Variants in PRKG1 observed in about 807,000 individuals in gnomAD.
PRKG1 encodes the protein cGMP-dependent protein kinase 1.
Under a neutral mutation model 88.1 loss-of-function variants are expected in PRKG1, and 35 were observed. That is an observed-to-expected ratio of 0.40 (90% CI 0.30 to 0.53). The LOEUF (loss-of-function observed/expected upper bound fraction) is 0.53. Ranked by LOEUF, PRKG1 falls within the 20% of genes least tolerant of loss-of-function variation. The probability of loss-of-function intolerance (pLI) is 0.59; values close to 1 mark genes in which losing one functional copy is unlikely to be tolerated. For missense variants in PRKG1, 540 were observed against 839.8 expected (o/e 0.64, Z 4.41); for synonymous variants, 303 against 292.5 (o/e 1.04, Z -0.37).
Position 51,153,232 on chromosome 10 carries a change from T to C in PRKG1, c.380T>C (p.Ile127Thr). The C allele has an allele frequency of 6.2e-7, 1 of 1,612,578 alleles. No individual in the cohort carries two copies. The highest frequency in any genetic ancestry group is 8.5e-7 in the Non-Finnish European group (1 of 1,179,006). Reference sequence around the variant, plus strand: ...ATGAAGAACTTGGAGCTGTCGCAGATCCAGGAGATTGTGGATTGTATGTAC... The same window carrying C: ...ATGAAGAACTTGGAGCTGTCGCAGACCCAGGAGATTGTGGATTGTATGTAC... ...DFMKNLELSQ[I>T]QEIVDCMYPV... Residue 127 changes from isoleucine (I) to threonine (T), a missense_variant, in exon 2 of 18, where the codon ATC becomes ACC. By Grantham distance (89) the Ile-to-Thr change is moderately conservative. This residue lies in a region of PRKG1 where 400 missense variants were observed against 562.7 expected (regional missense o/e 0.71). Coordinates refer to ENST00000373980, the MANE Select transcript of PRKG1 (RefSeq NM_006258.4).
At chr10:52,159,830 C>T (rs1292842977) in intron 8 of PRKG1, among the ~76,000 whole-genome samples, 4 of 151,952 alleles carry the variant, frequency 2.6e-5, no homozygotes, top group Non-Finnish European at 2.9e-5. Context: ...CCTAATAACA[C>T]AATCTCTTAA....
At chr10:51,106,676 C>T (rs1402265561) in intron 1 of PRKG1, among the ~76,000 whole-genome samples, 4 of 152,158 alleles carry the variant, frequency 2.6e-5, no homozygotes, top group Non-Finnish European at 1.5e-5. Context: ...GCCTTTTTAC[C>T]TCTGGAAGAC....
At chr10:51,050,465 T>C (rs768046233) in intron 1 of PRKG1, among the ~76,000 whole-genome samples, 48 of 152,258 alleles carry the variant, frequency 3.2e-4, no homozygotes, top group Admixed American at 1.3e-3. Flanking sequence ...GTTCTCCAGG[T>C]TTATCCATGT....
At chr10:51,449,198 A>G (rs991829350) in intron 2 of PRKG1, among the ~76,000 whole-genome samples, 1 of 152,014 alleles carries the variant, frequency 6.6e-6, no homozygotes, top group Non-Finnish European at 1.5e-5. Flanking sequence ...CTTGCATATT[A>G]TTCAACATGA....
chr10:51,954,695 A>G (rs1311402269), intron 5 of PRKG1, among the ~76,000 whole-genome samples: 2 of 152,244 alleles, frequency 1.3e-5, no homozygotes, highest in Non-Finnish European at 2.9e-5. Flanking sequence ...TGTAAGTCAT[A>G]GGAATTTGGT....
chr10:51,361,595 C>G (rs369028186), intron 2 of PRKG1, among the ~76,000 whole-genome samples: 63 of 151,938 alleles, frequency 4.1e-4, no homozygotes, highest in African/African-American at 1.4e-3. Flanking sequence ...TTCTTAGCAT[C>G]TCTGAATTAG....
intron 1 of PRKG1, among the ~76,000 whole-genome samples, chr10:51,119,053 ATTC>A (rs1418002226): frequency 2.0e-5 from 3 of 152,232 alleles, no homozygotes; most frequent in Admixed American, 6.5e-5. Context: ...CCTTAGAATA[ATTC>A]TTCATTTCTT....
intron 4 of PRKG1, among the ~76,000 whole-genome samples, chr10:51,820,396 A>T (rs187392446): frequency 1.2e-4 from 19 of 152,308 alleles, no homozygotes; most frequent in African/African-American, 3.8e-4. Context: ...AGGTGTAATA[A>T]TAAAAAAGCA....
intron 6 of PRKG1, among the ~76,000 whole-genome samples, chr10:52,055,413 A>T (rs1228157032): frequency 6.6e-6 from 1 of 152,206 alleles, no homozygotes; most frequent in Non-Finnish European, 1.5e-5. Flanking sequence ...AGGGGTAAAA[A>T]TGGGGTAGAC....
chr10:51,726,132 T>C (rs1842125452), intron 3 of PRKG1, among the ~76,000 whole-genome samples: 2 of 152,230 alleles, frequency 1.3e-5, no homozygotes, highest in South Asian at 4.1e-4. Flanking sequence ...ATACTGTTTG[T>C]CAAATTTTCT....
rs984824995 is a variant in PRKG1, at chr10:51,787,500, C to T, written c.593-17085C>T. Among the ~76,000 whole-genome samples the T allele has an allele frequency of 2.6e-5, 4 of 152,072 alleles. No individual in the cohort carries two copies. In the East Asian group the frequency reaches 5.8e-4, roughly 22 times the overall value. On this transcript the variant is annotated intron_variant, in intron 3 of 17. Transcript: ENST00000373980. ...TTACATTACCCAGCATGGTAGTTCCCCAAGGAAGAGATGCTGCTGGCAGAA... is the reference window on the plus strand; with the variant it reads ...TTACATTACCCAGCATGGTAGTTCCTCAAGGAAGAGATGCTGCTGGCAGAA...
intron 3 of PRKG1, among the ~76,000 whole-genome samples, chr10:51,505,215 A>T (rs1841159504): frequency 6.6e-6 from 1 of 152,154 alleles, no homozygotes; most frequent in East Asian, 1.9e-4. Context: ...CCTTTTCTGC[A>T]TCTATTGAGA....
intron 1 of PRKG1, among the ~76,000 whole-genome samples, chr10:51,064,266 C>A (rs543267537): frequency 6.6e-6 from 1 of 151,928 alleles, no homozygotes; most frequent in South Asian, 2.1e-4. Flanking sequence ...CATGAGACTC[C>A]CAGTTTGTGA....
At chr10:51,645,354 GCAA>G (rs1442874440) in intron 3 of PRKG1, among the ~76,000 whole-genome samples, 1 of 152,094 alleles carries the variant, frequency 6.6e-6, no homozygotes, top group Non-Finnish European at 1.5e-5. Flanking sequence ...AAAACATTTT[GCAA>G]CAACATCTTA....
intron 2 of PRKG1, among the ~76,000 whole-genome samples, chr10:51,217,117 T>G (rs1361221762): frequency 6.6e-6 from 1 of 152,114 alleles, no homozygotes. Flanking sequence ...TAGCAATAAT[T>G]TGGCTGTGTA....
chr10:51,718,345 G>A (rs1325501129), intron 3 of PRKG1, among the ~76,000 whole-genome samples: 3 of 152,176 alleles, frequency 2.0e-5, no homozygotes, highest in Non-Finnish European at 4.4e-5. Context: ...AGTCCAACAA[G>A]CTCAAGTGAA....
intron 3 of PRKG1, among the ~76,000 whole-genome samples, chr10:51,794,834 G>T (rs1838968998): frequency 6.6e-6 from 1 of 151,958 alleles, no homozygotes; most frequent in South Asian, 2.1e-4. Flanking sequence ...CTAGGCTTTG[G>T]AGTCAGATGG....
At chr10:51,280,573 T>C (rs2132200118) in intron 2 of PRKG1, among the ~76,000 whole-genome samples, 1 of 152,354 alleles carries the variant, frequency 6.6e-6, no homozygotes, top group South Asian at 2.1e-4. Flanking sequence ...TCATTTCTTT[T>C]TACTCTTTTT....
intron 10 of PRKG1, among the ~76,000 whole-genome samples, chr10:52,254,199 C>T (rs994859070): frequency 1.3e-5 from 2 of 151,978 alleles, no homozygotes; most frequent in African/African-American, 4.8e-5. Context: ...AGTGTACCAT[C>T]AGAGTTAGGA....
Sources: gnomAD v4.1 joint callset for allele counts (sites outside exome capture counted in the v4.1 genomes callset) on GRCh38, gnomAD v4.1.1 for gene constraint, gnomAD v4.1.1 regional missense constraint, MANE v1.5 for transcripts, NCBI Gene and HGNC (gene_info 2026-07-23, HGNC 2026-07-21) for gene names.